Variants in FREM2 observed in about 807,000 individuals in gnomAD.
FREM2 encodes FRAS1 related extracellular matrix 2.
Under a neutral mutation model 219.9 loss-of-function variants are expected in FREM2, and 119 were observed. The observed-to-expected ratio is 0.54, with a 90% CI of 0.47 to 0.63. The LOEUF (loss-of-function observed/expected upper bound fraction) is 0.63. Ranked by LOEUF, FREM2 falls within the 30% of genes least tolerant of loss-of-function variation. The pLI is 0.00. For synonymous variants in FREM2, 1,562 were observed against 1,522.8 expected (o/e 1.03, Z -0.60); for missense variants, 4,030 against 3,993.6 (o/e 1.01, Z -0.25).
At chr13:38,770,222 T>C (rs1407995972) in intron 4 of FREM2, among the ~76,000 whole-genome samples, 1 of 148,968 alleles carries the variant, frequency 6.7e-6, no homozygotes, top group African/African-American at 2.4e-5. Flanking sequence ...TATATACACA[T>C]ATATATAAAA....
intron 6 of FREM2, among the ~76,000 whole-genome samples, chr13:38,788,431 T>C (rs1202555490): frequency 6.6e-6 from 1 of 152,132 alleles, no homozygotes; most frequent in Non-Finnish European, 1.5e-5. Context: ...AGAATCCTTT[T>C]GGTTGAGTCT....
At chr13:38,763,251 C>CA (rs1432157844) in intron 2 of FREM2, among the ~76,000 whole-genome samples, 8 of 152,154 alleles carry the variant, frequency 5.3e-5, no homozygotes, top group African/African-American at 1.9e-4. Flanking sequence ...GTTGATAGCT[C>CA]AAAGTTGCTG....
At chr13:38,833,312 A>G (rs1004394118) in intron 6 of FREM2, among the ~76,000 whole-genome samples, 2 of 152,134 alleles carry the variant, frequency 1.3e-5, no homozygotes, top group Non-Finnish European at 2.9e-5. Flanking sequence ...TGTTCTTAGT[A>G]TTGATACATT....
intron 2 of FREM2, among the ~76,000 whole-genome samples, chr13:38,731,008 G>A (rs984295762): frequency 5.3e-5 from 8 of 151,180 alleles, no homozygotes; most frequent in Admixed American, 5.3e-4. Context: ...TATCTAAACT[G>A]AAGAATTCAT....
At chr13:38,769,286 G>A (rs1288264590) in intron 3 of FREM2, among the ~76,000 whole-genome samples, 1 of 152,144 alleles carries the variant, frequency 6.6e-6, no homozygotes, top group Admixed American at 6.5e-5. Flanking sequence ...TGAACAATGT[G>A]AATATACATT....
intron 6 of FREM2, among the ~76,000 whole-genome samples, chr13:38,805,840 A>G (rs894815935): frequency 6.6e-6 from 1 of 152,052 alleles, no homozygotes; most frequent in African/African-American, 2.4e-5. Context: ...CATTAATGGA[A>G]TTGTCAAATA....
intron 3 of FREM2, among the ~76,000 whole-genome samples, chr13:38,769,185 T>C (rs978002092): frequency 1.3e-5 from 2 of 152,198 alleles, no homozygotes; most frequent in Non-Finnish European, 2.9e-5. Context: ...AGTTAGAGAA[T>C]GTTTCTTATT....
intron 2 of FREM2, among the ~76,000 whole-genome samples, chr13:38,708,212 G>A (rs1870616818): frequency 6.6e-6 from 1 of 152,196 alleles, no homozygotes; most frequent in Non-Finnish European, 1.5e-5. Context: ...TATACCCTCA[G>A]TGCCTGAGTA....
chr13:38,874,525 C>T lies in FREM2; in HGVS notation c.8220C>T (p.Arg2740=). 1.2e-6 allele frequency: 2 copies of T among 1,614,144 alleles called. No homozygotes were observed. The highest frequency in any genetic ancestry group is 2.2e-5 in the East Asian group (1 of 44,886). The stretch of plus-strand genomic sequence containing the variant: ...GCATGCGCATCGGTGATGAGGGGCG[C>T]TTGGCCGTGCACTTCAAGACAGAGG... ...PTSMRIGDEG[R]LAVHFKTEAQ... is the part of the protein sequence containing the mutation. The change falls in exon 18 of 24, where the codon CGC becomes CGT. Residue 2740 remains arginine (R), a synonymous_variant. Coordinates refer to ENST00000280481, the MANE Select transcript of FREM2 (RefSeq NM_207361.6).
chr13:38,875,882 C>G, intron 18 of FREM2, 140 bp from the exon 19 acceptor site: 1 of 816,004 alleles, frequency 1.2e-6, no homozygotes, highest in East Asian at 2.5e-5. Flanking sequence ...GATAATTATA[C>G]TAACCATGAC....
In FREM2 at chr13:38,691,096, G is replaced by A. The variant is rs1469568733; in HGVS notation, c.3752G>A (p.Ser1251Asn). The change falls in exon 1 of 24, where the codon AGC (serine) becomes AAC (asparagine). Residue 1251 changes from serine (S) to asparagine (N), a missense_variant. Around this residue, in one of 2 missense-constraint regions of FREM2, gnomAD observed 3,102 missense variants for 2,950.7 expected, o/e 1.05. Coordinates refer to ENST00000280481, the MANE Select transcript of FREM2 (RefSeq NM_207361.6). Reference protein sequence around the residue: ...QLINGTVLVESFTLDQIIESS... With the variant: ...QLINGTVLVENFTLDQIIESS... ...ATAAATGGCACGGTTTTGGTCGAAA[G>A]CTTCACCTTGGATCAGATCATAGAG... The A allele has an allele frequency of 1.9e-6, 3 of 1,614,076 alleles. No homozygotes were observed. Among genetic ancestry groups the A allele is most frequent in the South Asian group, 1.1e-5 (1 of 91,062 alleles).
chr13:38,746,675 A>G (rs577896999), intron 2 of FREM2, among the ~76,000 whole-genome samples: 2 of 152,320 alleles, frequency 1.3e-5, no homozygotes, highest in Non-Finnish European at 2.9e-5. Flanking sequence ...AGGCTGAATA[A>G]CTAATAAAAA....
At chr13:38,844,540 G>A (rs368154678) in intron 6 of FREM2, among the ~76,000 whole-genome samples, 21 of 152,270 alleles carry the variant, frequency 1.4e-4, no homozygotes, top group Admixed American at 6.5e-4. Flanking sequence ...TTTGGTCCCC[G>A]ATGTGTAGCT....
chr13:38,737,554 C>T (rs1239618604), intron 2 of FREM2, among the ~76,000 whole-genome samples: 3 of 152,184 alleles, frequency 2.0e-5, no homozygotes, highest in Non-Finnish European at 4.4e-5. Flanking sequence ...TAAATTAAAA[C>T]TAAGTGACTG....
chr13:38,687,201 T>G lies in FREM2; in HGVS notation c.-144T>G, dbSNP rs1170592442. 3.3e-6 allele frequency: 4 copies of G among 1,219,408 alleles called. No homozygotes were observed. The East Asian group carries it at 1.0e-4, about 31-fold the overall frequency. The allele number at this position is 1,219,408 out of a possible 1,614,324, so 75.5% of individuals were successfully genotyped here. On this transcript the variant is annotated 5_prime_UTR_variant, in exon 1 of 24. Coordinates refer to ENST00000280481, the MANE Select transcript of FREM2 (RefSeq NM_207361.6). ...ACGGCGCCGCGCAACTTTGCCATCC[T>G]TCTGGCCCAGCCCCGGCTACAGGAG...
At chr13:38,736,169 T>C (rs1029867349) in intron 2 of FREM2, among the ~76,000 whole-genome samples, 2 of 152,228 alleles carry the variant, frequency 1.3e-5, no homozygotes, top group Non-Finnish European at 1.5e-5. Context: ...TGATACAAGG[T>C]ATCTCAAACC....
chr13:38,778,436 T>C (rs1028857870), intron 4 of FREM2, among the ~76,000 whole-genome samples: 2 of 152,166 alleles, frequency 1.3e-5, no homozygotes, highest in Admixed American at 6.5e-5. Context: ...CTTCTTCTTA[T>C]AAGGACACTA....
intron 2 of FREM2, among the ~76,000 whole-genome samples, chr13:38,749,727 C>T (rs1037310483): frequency 6.6e-6 from 1 of 152,118 alleles, no homozygotes; most frequent in African/African-American, 2.4e-5. Context: ...CTCCAGACAT[C>T]GCCAAACATT....
chr13:38,720,112 A>G (rs989822772), intron 2 of FREM2, among the ~76,000 whole-genome samples: 5 of 152,066 alleles, frequency 3.3e-5, no homozygotes, highest in African/African-American at 7.2e-5. Flanking sequence ...AACAGTGCCA[A>G]TTTTCCTTCT....
Sources: allele counts gnomAD v4.1 joint callset (sites outside exome capture counted in the v4.1 genomes callset), GRCh38; gene constraint gnomAD v4.1.1; regional missense constraint gnomAD v4.1.1; transcripts MANE v1.5; gene names NCBI Gene and HGNC (gene_info 2026-07-23, HGNC 2026-07-21).